PTGER3: variants seen among roughly 807,000 people sequenced by gnomAD.
PTGER3 encodes prostaglandin E2 receptor EP3 subtype.
Under a neutral mutation model 34.7 loss-of-function variants are expected in PTGER3, and 22 were observed. That is an observed-to-expected ratio of 0.63 (90% CI 0.45 to 0.91). The LOEUF (loss-of-function observed/expected upper bound fraction) is 0.91, where lower values mean the gene tolerates loss of function less well. Ranked by LOEUF, PTGER3 falls within the 40% of genes least tolerant of loss-of-function variation. The pLI, the probability that PTGER3 is intolerant of heterozygous loss-of-function variation, is 0.00. For missense variants in PTGER3, 468 were observed against 519.4 expected, an observed-to-expected ratio of 0.90 and a Z score of 0.96; for synonymous variants, 241 against 230.1, an observed-to-expected ratio of 1.05 and a Z score of -0.43.
intron 3 of PTGER3, chr1:70,953,179 T>C (rs1263181521): frequency 1.2e-6 from 1 of 834,884 alleles, no homozygotes; most frequent in Admixed American, 3.4e-5. Context: ...ATTTACATTG[T>C]ATTAGGCATT....
chr1:71,020,023 G>C (rs1453693375), intron 1 of PTGER3, among the ~76,000 whole-genome samples: 1 of 152,162 alleles, frequency 6.6e-6, no homozygotes, highest in Non-Finnish European at 1.5e-5. Flanking sequence ...AATTTGATAA[G>C]TGTATTTCAT....
At chr1:71,018,344 A>G (rs908363664) in intron 1 of PTGER3, among the ~76,000 whole-genome samples, 3 of 152,072 alleles carry the variant, frequency 2.0e-5, no homozygotes, top group Non-Finnish European at 4.4e-5. Context: ...CAATTATCTC[A>G]ATTTCTAAAT....
At chr1:70,966,587 G>T (rs1652540892), downstream of PTGER3, among the ~76,000 whole-genome samples, 2 of 151,838 alleles carry the variant, frequency 1.3e-5, no homozygotes, top group South Asian at 4.2e-4. Flanking sequence ...CATCCTCTAA[G>T]TTCCCTCCCC....
At chr1:70,934,123 T>C (rs746224003) in intron 4 of PTGER3, among the ~76,000 whole-genome samples, 2 of 152,210 alleles carry the variant, frequency 1.3e-5, no homozygotes, top group Non-Finnish European at 2.9e-5. Context: ...TATATTCTTA[T>C]TTAATTATCT....
At chr1:70,969,403 T>A (rs1652860100), downstream of PTGER3, among the ~76,000 whole-genome samples, 1 of 152,186 alleles carries the variant, frequency 6.6e-6, no homozygotes, top group African/African-American at 2.4e-5. Context: ...ATTTACTTAA[T>A]TAGTAACATC....
At chr1:70,914,246 G>A (rs939883419) in intron 4 of PTGER3, among the ~76,000 whole-genome samples, 6 of 151,790 alleles carry the variant, frequency 4.0e-5, no homozygotes, top group South Asian at 4.2e-4. Context: ...TTGAATATTC[G>A]GAGTTAATGG....
chr1:71,009,040 T>G, intron 2 of PTGER3: 1 of 984,902 alleles, frequency 1.0e-6, no homozygotes, highest in Non-Finnish European at 1.2e-6. Flanking sequence ...AAAAGAACTA[T>G]TAGTGATTGC....
At chr1:71,008,747 T>C (rs1485197820) in intron 2 of PTGER3, 2 of 972,096 alleles carry the variant, frequency 2.1e-6, no homozygotes, top group Non-Finnish European at 1.2e-6. Context: ...TGTAAACATA[T>C]AAAACAAGCA....
chr1:70,852,553 A>C, exon 5 of PTGER3: 4 of 453,322 alleles, frequency 8.8e-6, no homozygotes, highest in Non-Finnish European at 1.5e-5. Flanking sequence ...CATAATTTTC[A>C]ATAAAAAAAT....
At position 70,974,296 on chromosome 1, in the gene PTGER3, C is replaced by G. The variant is rs778220229; in HGVS notation, c.1169+1G>C. On this transcript the variant is annotated splice_donor_variant, in intron 3 of 3. Transcript: ENST00000306666. LOFTEE classifies it high-confidence loss of function. ...AAATCCCGGCAGTTTCTAAATCTCACCTTTCCAAATGGTCGCTCCACATCA... is the reference window on the plus strand; with the variant it reads ...AAATCCCGGCAGTTTCTAAATCTCAGCTTTCCAAATGGTCGCTCCACATCA... 71 of 1,610,810 alleles carry G rather than the reference C, an allele frequency of 4.4e-5. No individual in the cohort carries two copies. The highest frequency in any genetic ancestry group is 1.6e-4 in the Middle Eastern group (1 of 6,068).
intron 1 of PTGER3, among the ~76,000 whole-genome samples, chr1:71,027,189 G>A (rs770635475): frequency 2.0e-5 from 3 of 151,908 alleles, no homozygotes; most frequent in Non-Finnish European, 4.4e-5. Context: ...TTTAAGAGAC[G>A]GGGTTTCTCT....
intron 4 of PTGER3, among the ~76,000 whole-genome samples, chr1:70,905,570 T>C (rs939882960): frequency 1.3e-5 from 2 of 152,072 alleles, no homozygotes; most frequent in African/African-American, 4.8e-5. Context: ...AGCTTTAAGA[T>C]TTGACTGCCC....
At chr1:71,019,371 T>G (rs572054924) in intron 1 of PTGER3, among the ~76,000 whole-genome samples, 7 of 152,200 alleles carry the variant, frequency 4.6e-5, no homozygotes, top group African/African-American at 1.7e-4. Flanking sequence ...CAATTCTAGC[T>G]GAACGGAGCT....
intron 1 of PTGER3, among the ~76,000 whole-genome samples, chr1:71,028,632 G>T (rs1477257607): frequency 2.0e-5 from 3 of 151,914 alleles, no homozygotes; most frequent in African/African-American, 4.8e-5. Flanking sequence ...TTATCCCCAG[G>T]GCACCTTTCC....
At chr1:70,869,236 T>C in intron 4 of PTGER3, 1 of 468,824 alleles carries the variant, frequency 2.1e-6, no homozygotes, top group South Asian at 1.6e-5. Flanking sequence ...TTGCAAGAAC[T>C]CACTCACTAT....
At chr1:70,884,713 A>G (rs1192768561) in intron 4 of PTGER3, among the ~76,000 whole-genome samples, 1 of 152,238 alleles carries the variant, frequency 6.6e-6, no homozygotes, top group Non-Finnish European at 1.5e-5. Context: ...TTAGGAAGCA[A>G]TAGAAAATTA....
chr1:71,039,209 A>G (rs2100984619), intron 1 of PTGER3, among the ~76,000 whole-genome samples: 1 of 152,272 alleles, frequency 6.6e-6, no homozygotes, highest in South Asian at 2.1e-4. Flanking sequence ...GACACAAGGT[A>G]CTAGCTCTTC....
At chr1:70,981,379 CTTTCTTTCTTTCT>C (rs1557709082) in intron 2 of PTGER3, among the ~76,000 whole-genome samples, 2,684 of 90,702 alleles carry the variant, frequency 0.03, 24 homozygotes, top group South Asian at 0.042. Flanking sequence ...TTCTTTCTTT[CTTTCTTTCTTTCT>C]TTCCTTCCTT....
At chr1:71,022,378 G>A (rs1658496826) in intron 1 of PTGER3, among the ~76,000 whole-genome samples, 1 of 151,902 alleles carries the variant, frequency 6.6e-6, no homozygotes, top group African/African-American at 2.4e-5. Flanking sequence ...TAAATTTAGT[G>A]ATAAATTAAG....
Sources: allele counts gnomAD v4.1 joint callset (sites outside exome capture counted in the v4.1 genomes callset), GRCh38; gene constraint gnomAD v4.1.1; transcripts MANE v1.5; gene names NCBI Gene and HGNC (gene_info 2026-07-23, HGNC 2026-07-21).